The following EVC variants were observed in gnomAD, a reference collection of about 807,000 sequenced individuals.
EVC encodes evC complex member EVC.
EVC carries 116 observed loss-of-function variants against 118.9 expected under a neutral mutation model. The observed-to-expected ratio is 0.98, with a 90% CI of 0.84 to 1.14. The LOEUF is 1.14. Ranked by LOEUF, EVC falls within the 50% of genes most tolerant of loss-of-function variation. The pLI is 0.00. For synonymous variants in EVC, 619 were observed against 534.7 expected (o/e 1.16, Z -2.18); for missense variants, 1,401 against 1,246.4 (o/e 1.12, Z -1.87).
chr4:5,761,095 T>C (rs1731936980), intron 11 of EVC, among the ~76,000 whole-genome samples: 1 of 152,114 alleles, frequency 6.6e-6, no homozygotes, highest in Non-Finnish European at 1.5e-5. Context: ...TGGGCGTCCT[T>C]GGGCCAGAGC....
chr4:5,726,568 C>CTTTTTTT (rs34483285), intron 2 of EVC, among the ~76,000 whole-genome samples: 11 of 134,464 alleles, frequency 8.2e-5, no homozygotes, highest in South Asian at 4.7e-4. Context: ...CTTCTCTTTT[C>CTTTTTTT]TTTTTTTTTT....
intron 2 of EVC, among the ~76,000 whole-genome samples, chr4:5,726,577 T>TC: frequency 6.7e-6 from 1 of 149,936 alleles, no homozygotes; most frequent in Non-Finnish European, 1.5e-5. Context: ...TCTTTTTTTT[T>TC]TTTTTTATTA....
At chr4:5,720,965 T>A (rs1468950684) in intron 2 of EVC, among the ~76,000 whole-genome samples, 1 of 152,174 alleles carries the variant, frequency 6.6e-6, no homozygotes, top group Non-Finnish European at 1.5e-5. Context: ...CTGTGCTGTC[T>A]CTGACACTGT....
At chr4:5,805,225 TGA>T (rs1715675182) in intron 17 of EVC, among the ~76,000 whole-genome samples, 1 of 152,064 alleles carries the variant, frequency 6.6e-6, no homozygotes, top group Non-Finnish European at 1.5e-5. Context: ...AGAGGCACAG[TGA>T]GAGGGCAGGG....
At chr4:5,794,228 T>G (rs28470422) in intron 13 of EVC, among the ~76,000 whole-genome samples, 1 of 133,678 alleles carries the variant, frequency 7.5e-6, no homozygotes, top group African/African-American at 2.8e-5. Flanking sequence ...ATGAGAAAAA[T>G]ATATATATAT....
the EVC span, chr4:5,825,777 C>A: frequency 3.8e-6 from 2 of 528,640 alleles, no homozygotes; most frequent in Non-Finnish European, 2.8e-6. The surrounding 1 kb of genome is among the most constrained non-coding windows in gnomAD (Gnocchi z 4.4). Flanking sequence ...AATGTGCATG[C>A]ACACACACAC....
chr4:5,748,461 C>A, intron 8 of EVC, 155 bp downstream of exon 8: 1 of 758,604 alleles, frequency 1.3e-6, no homozygotes, highest in Non-Finnish European at 2.1e-6. Context: ...TAAATTCATT[C>A]ATCCATTTAT....
Position 5,749,903 on chromosome 4 carries a change from CACAGCATCGGCA to C in EVC, c.1098+1601_1098+1612del, listed in dbSNP as rs1730091178. ...GCTCCTCCAGGTGTGATCCACAGAC[CACAGCATCGGCA>C]ACACTGGGAGCTGGTTAGAGTGCAG... On this transcript the variant is annotated intron_variant, in intron 8 of 20. Transcript: ENST00000264956. The surrounding 1 kb of genome is among the most constrained non-coding windows in gnomAD (Gnocchi z 4.4). Among the ~76,000 whole-genome samples, 1 of 152,120 alleles carries C rather than the reference CACAGCATCGGCA, an allele frequency of 6.6e-6. No individual in the cohort carries two copies. Among genetic ancestry groups the C allele is most frequent in the African/African-American group, 2.4e-5 (1 of 41,438 alleles).
intron 13 of EVC, among the ~76,000 whole-genome samples, chr4:5,794,122 T>C (rs1713311478): frequency 6.6e-6 from 1 of 151,242 alleles, no homozygotes; most frequent in South Asian, 2.1e-4. Flanking sequence ...CAATTTATTA[T>C]CAGTTTTTAT....
chr4:5,793,014 G>C (rs141821667), intron 12 of EVC, among the ~76,000 whole-genome samples: 245 of 152,214 alleles, frequency 1.6e-3, no homozygotes, highest in Admixed American at 4.5e-3. Flanking sequence ...ATTCCAAAGA[G>C]TCTTTTTTCC....
rs111293777 is a variant in EVC at position 5,793,686 on chromosome 4, G to A, written c.1855G>A (p.Val619Ile). Residue 619 changes from valine to isoleucine, a missense_variant, in exon 13 of 21, where the codon GTC becomes ATC. Physicochemically the swap from Val to Ile is conservative, Grantham distance 29. Transcript: ENST00000264956. The part of the protein sequence containing the change: ...REDHEGTIRG[V>I]LGRLGGLTEE... ...GGACCACGAGGGCACCATCCGCGGC[G>A]TCTTGGGCCGACTGGGCGGCCTCAC... 8.0e-4 allele frequency: 1,234 copies of A among 1,551,356 alleles called. 12 individuals carry two copies. The African/African-American group carries it at 0.013, about 16-fold the overall frequency.
At chr4:5,828,199 A>G in the EVC span, 1 of 985,404 alleles carries the variant, frequency 1.0e-6, no homozygotes, top group Non-Finnish European at 1.2e-6. Context: ...GACGCAGGAC[A>G]GCGCCCAGAG....
intron 2 of EVC, among the ~76,000 whole-genome samples, chr4:5,727,631 A>G (rs1282661452): frequency 1.3e-5 from 2 of 151,350 alleles, no homozygotes; most frequent in African/African-American, 2.4e-5. Context: ...GGTGTTTTAG[A>G]CATGAAGTCC....
At chr4:5,826,063 T>C in the EVC span, 1 of 267,800 alleles carries the variant, frequency 3.7e-6, no homozygotes. Context: ...CACATATGTA[T>C]ACACATGCAT....
chr4:5,765,798 T>C (rs185503645), intron 11 of EVC, among the ~76,000 whole-genome samples: 132 of 150,636 alleles, frequency 8.8e-4, no homozygotes, highest in Non-Finnish European at 1.1e-3. Flanking sequence ...TATGTGTGTG[T>C]CTGCACGTGA....
rs193210070 is a variant in EVC, at chr4:5,743,587, C to A, written c.802-1617C>A. Among the ~76,000 whole-genome samples, 2 of 152,124 alleles carry A rather than the reference C, an allele frequency of 1.3e-5. No homozygotes were observed. Among genetic ancestry groups the A allele is most frequent in the Non-Finnish European group, 2.9e-5 (2 of 68,026 alleles). On this transcript the variant is annotated intron_variant, in intron 6 of 20. Coordinates refer to ENST00000264956, the MANE Select transcript of EVC (RefSeq NM_153717.3). This position sits in a 1 kb window ranked among gnomAD's most constrained non-coding sequence, Gnocchi z 4.7. The stretch of plus-strand genomic sequence containing the variant: ...AGTCCTCATTGTCATCGTCATCGTC[C>A]TTGTTCCTACCACTGTGAGATCTGG...
At chr4:5,791,559 G>A (rs1326904633) in intron 12 of EVC, among the ~76,000 whole-genome samples, 1 of 152,138 alleles carries the variant, frequency 6.6e-6, no homozygotes, top group Non-Finnish European at 1.5e-5. Context: ...CTAGTCTGGA[G>A]GAGGGCAGAA....
intron 11 of EVC, among the ~76,000 whole-genome samples, chr4:5,767,481 G>A (rs71599822): frequency 0.37 from 55,017 of 150,304 alleles, 10,414 homozygotes; most frequent in Admixed American, 0.47. Context: ...GGGCAATGGC[G>A]GGCGCCTCTC....
Position 5,741,781 on chromosome 4 carries a change from A to C in EVC, c.768A>C (p.Glu256Asp). 6.4e-7 allele frequency: 1 copy of C among 1,554,874 alleles called. No homozygotes were observed. The highest frequency in any genetic ancestry group is 1.8e-4 in the Middle Eastern group (1 of 5,610). ...DLLPKKKSDD[E>D]LYQKILSKQE... The stretch of plus-strand genomic sequence containing the variant: ...TTCCTAAAAAGAAGTCAGATGATGA[A>C]CTATACCAGAAGATCCTTTCAAAAC... The change falls in exon 6 of 21, where the codon GAA (glutamate) becomes GAC (aspartate). Residue 256 changes from glutamate to aspartate, a missense_variant. Coordinates refer to ENST00000264956, the MANE Select transcript of EVC (RefSeq NM_153717.3).
Sources: gnomAD v4.1 joint callset for allele counts (sites outside exome capture counted in the v4.1 genomes callset) on GRCh38, gnomAD v4.1.1 for gene constraint, Gnocchi (gnomAD v3.1) non-coding constraint, MANE v1.5 for transcripts, NCBI Gene and HGNC (gene_info 2026-07-23, HGNC 2026-07-21) for gene names.